The following RPS6KA6 variants were observed in gnomAD, a reference collection of about 807,000 sequenced individuals.
The protein encoded by RPS6KA6 is ribosomal protein S6 kinase alpha-6.
In RPS6KA6, 27 loss-of-function variants were observed where a neutral mutation model predicts 65.4. That is an observed-to-expected ratio of 0.41 (90% confidence interval 0.30 to 0.57). The LOEUF (loss-of-function observed/expected upper bound fraction) is 0.57, where lower values mean the gene tolerates loss of function less well. Ranked by LOEUF, RPS6KA6 falls within the 20% of genes least tolerant of loss-of-function variation. The pLI is 0.24. For missense variants in RPS6KA6, 486 were observed against 555.6 expected (o/e 0.87, Z 1.26); for synonymous variants, 190 against 184.2 (o/e 1.03, Z -0.26).
At chrX:84,127,256 A>T (rs1280209603) in intron 8 of RPS6KA6, among the ~76,000 whole-genome samples, 1 of 111,234 alleles carries the variant, frequency 9.0e-6, no homozygotes, top group East Asian at 2.8e-4. Context: ...ATTCCTTGTC[A>T]CGTAAAACCT....
chrX:84,070,680 G>A (rs749930015), intron 20 of RPS6KA6, among the ~76,000 whole-genome samples: 2 of 111,498 alleles, frequency 1.8e-5, no homozygotes, highest in African/African-American at 3.3e-5. Flanking sequence ...GAAGAATAAC[G>A]TAATTGGTTG....
intron 20 of RPS6KA6, among the ~76,000 whole-genome samples, chrX:84,076,144 A>G (rs2033659863): frequency 8.9e-6 from 1 of 112,374 alleles, no homozygotes; most frequent in Non-Finnish European, 1.9e-5. Context: ...ATAGCCATAT[A>G]CCTTTTTAAG....
intron 8 of RPS6KA6, 77 bp downstream of exon 8, chrX:84,134,705 G>A: frequency 1.5e-6 from 1 of 666,220 alleles, no homozygotes; most frequent in Non-Finnish European, 2.2e-6. Flanking sequence ...GAAAAAAACA[G>A]GCTTAGACAA....
At chrX:84,090,782 T>C (rs1254745834) in intron 20 of RPS6KA6, among the ~76,000 whole-genome samples, 1 of 111,722 alleles carries the variant, frequency 9.0e-6, no homozygotes, top group Non-Finnish European at 1.9e-5. Context: ...CAATTCAAGA[T>C]GAGATTTTGA....
At chrX:84,069,937 T>C (rs1320354523) in intron 20 of RPS6KA6, among the ~76,000 whole-genome samples, 2 of 111,625 alleles carry the variant, frequency 1.8e-5, no homozygotes, top group African/African-American at 6.5e-5. Context: ...TGTGGAGAAA[T>C]AGGAATGCTT....
intron 5 of RPS6KA6, among the ~76,000 whole-genome samples, chrX:84,146,716 T>C (rs1169659983): frequency 1.8e-5 from 2 of 111,864 alleles, no homozygotes; most frequent in African/African-American, 6.5e-5. Context: ...GCAAAGTACA[T>C]AAATACTACC....
intron 6 of RPS6KA6, among the ~76,000 whole-genome samples, chrX:84,140,635 G>A (rs1161085596): frequency 2.9e-5 from 3 of 104,302 alleles, no homozygotes; most frequent in East Asian, 3.1e-4. Context: ...GCAGGAGGCT[G>A]AGGCAGGAGA....
At chrX:84,154,766 C>A (rs1329366169) in intron 3 of RPS6KA6, among the ~76,000 whole-genome samples, 1 of 111,048 alleles carries the variant, frequency 9.0e-6, no homozygotes, top group Middle Eastern at 4.2e-3. Context: ...ATCTCCTGTA[C>A]CAATTCACTG....
At position 84,096,213 on chromosome X, in the gene RPS6KA6, T is replaced by C. The variant is rs372276099; in HGVS notation, c.1952A>G (p.Asn651Ser). Residue 651 changes from asparagine (N) to serine (S), a missense_variant, in exon 20 of 22, where the codon AAT becomes AGT. Asn to Ser is a conservative substitution (Grantham distance 46). Around this residue, in one of 3 missense-constraint regions of RPS6KA6, gnomAD observed 345 missense variants for 375.0 expected, o/e 0.92. Coordinates refer to ENST00000262752, the MANE Select transcript of RPS6KA6 (RefSeq NM_014496.5). The part of the protein sequence containing the change: ...KFSLSGGNWD[N>S]ISDGAKDLLS... Reference sequence around the variant, plus strand: ...TTATACCTTTGCTCCGTCTGAAATATTGTCCCAGTTTCCACCACTCAAAGA... The same window carrying C: ...TTATACCTTTGCTCCGTCTGAAATACTGTCCCAGTTTCCACCACTCAAAGA... 6.0e-6 allele frequency: 7 copies of C among 1,169,982 alleles called. No individual in the cohort carries two copies. The highest frequency in any genetic ancestry group is 8.2e-6 in the Non-Finnish European group (7 of 857,998).
intron 8 of RPS6KA6, among the ~76,000 whole-genome samples, chrX:84,126,837 C>T (rs1189985196): frequency 9.1e-6 from 1 of 110,323 alleles, no homozygotes; most frequent in Non-Finnish European, 1.9e-5. Flanking sequence ...CTATGGAATA[C>T]AGTGAAAGCA....
In RPS6KA6 at chrX:84,060,673, TAGAA is replaced by T. The variant is rs1250187746; in HGVS notation, c.*3600_*3603del. The T allele has an allele frequency of 9.0e-6, 1 of 111,090 alleles. No homozygotes were observed. The highest frequency in any genetic ancestry group is 1.9e-5 in the Non-Finnish European group (1 of 52,955). 9.2% of individuals were successfully genotyped at this position (111,090 alleles called of 1,213,427 possible). ...TTAAGAGAAAAGGTAGATTGAGAAG[TAGAA>T]AGGAAGTAGGAAGGAAATTGTGCAA... On this transcript the variant is annotated 3_prime_UTR_variant, in exon 22 of 22. Coordinates refer to ENST00000262752, the MANE Select transcript of RPS6KA6 (RefSeq NM_014496.5).
At chrX:84,076,478 G>A (rs908811748) in intron 20 of RPS6KA6, among the ~76,000 whole-genome samples, 1 of 111,825 alleles carries the variant, frequency 8.9e-6, no homozygotes, top group Non-Finnish European at 1.9e-5. Context: ...CCTGGGAATA[G>A]AAGGTTGGCT....
rs149201069 is a variant in RPS6KA6, at chrX:84,065,098, T to C, written c.1985A>G (p.His662Arg). The change falls in exon 21 of 22, where the codon CAT (histidine) becomes CGT (arginine). Residue 662 changes from histidine to arginine, a missense_variant. Transcript: ENST00000262752. ...ISDGAKDLLS[H>R]MLHMDPHQRY... The stretch of plus-strand genomic sequence containing the variant: ...CTGATGTGGGTCCATATGAAGCATA[T>C]GGGAAAGCAAATCCTAAATTAAAAA... 807 of 1,186,477 alleles carry C rather than the reference T, an allele frequency of 6.8e-4. No individual in the cohort carries two copies. Among genetic ancestry groups the C allele is most frequent in the Middle Eastern group, 2.6e-3 (11 of 4,266 alleles).
In RPS6KA6 at chrX:84,120,035, A is replaced by C; in HGVS notation, c.647-8T>G. On this transcript the variant is annotated splice_polypyrimidine_tract_variant and splice_region_variant and intron_variant, in intron 8 of 21. Coordinates refer to ENST00000262752, the MANE Select transcript of RPS6KA6 (RefSeq NM_014496.5). Reference sequence around the variant, plus strand: ...CCTTGCTGAGTCCAAAATCTATAATAACAGTATTACCAAAAAATGTGTCTG... The same window carrying C: ...CCTTGCTGAGTCCAAAATCTATAATCACAGTATTACCAAAAAATGTGTCTG... 1 of 1,141,739 alleles carries C rather than the reference A, an allele frequency of 8.8e-7. No individual in the cohort carries two copies. The highest frequency in any genetic ancestry group is 1.2e-6 in the Non-Finnish European group (1 of 858,662). The allele number at this position is 1,141,739 out of a possible 1,213,427, so 94.1% of individuals were successfully genotyped here.
At chrX:84,144,003 G>A (rs2035153692) in intron 6 of RPS6KA6, among the ~76,000 whole-genome samples, 1 of 111,185 alleles carries the variant, frequency 9.0e-6, no homozygotes, top group Admixed American at 9.6e-5. Flanking sequence ...AAGGACTTCT[G>A]CACATACCTG....
chrX:84,170,115 C>T (rs2035657414), intron 1 of RPS6KA6, among the ~76,000 whole-genome samples: 2 of 99,461 alleles, frequency 2.0e-5, no homozygotes, highest in South Asian at 4.9e-4. Context: ...TTCAGTGAGC[C>T]GAGATTATGC....
At position 84,071,252 on chromosome X, in the gene RPS6KA6, G is replaced by A. The variant is rs182224646; in HGVS notation, c.1972-6141C>T. On this transcript the variant is annotated intron_variant, in intron 20 of 21. Coordinates refer to ENST00000262752, the MANE Select transcript of RPS6KA6 (RefSeq NM_014496.5). ...CTAAATTATCTAGCAGATTACTACT[G>A]ATAAAGACGTGGGGAAACAACCCAA... 4.5e-3 allele frequency among the ~76,000 whole-genome samples: 503 copies of A among 111,720 alleles called. 5 individuals carry two copies. Among genetic ancestry groups the A allele is most frequent in the Non-Finnish European group, 6.5e-3 (347 of 53,152 alleles).
At chrX:84,100,646 T>A (rs2034241409) in intron 18 of RPS6KA6, among the ~76,000 whole-genome samples, 1 of 110,867 alleles carries the variant, frequency 9.0e-6, no homozygotes. Context: ...AGAAGAGCAC[T>A]ATCTCAAATA....
chrX:84,157,848 T>C (rs919172599), intron 2 of RPS6KA6, among the ~76,000 whole-genome samples: 1 of 110,481 alleles, frequency 9.1e-6, no homozygotes, highest in African/African-American at 3.3e-5. Context: ...CAAATGAAAA[T>C]GTTTGTCCAA....
Sources: gnomAD v4.1 joint callset for allele counts (sites outside exome capture counted in the v4.1 genomes callset) on GRCh38, gnomAD v4.1.1 for gene constraint, gnomAD v4.1.1 regional missense constraint, MANE v1.5 for transcripts, NCBI Gene and HGNC (gene_info 2026-07-23, HGNC 2026-07-21) for gene names.